Variants in ATP13A4 observed in about 807,000 individuals in gnomAD.
ATP13A4 encodes probable cation-transporting ATPase 13A4.
ATP13A4 carries 114 observed loss-of-function variants against 142.5 expected under a neutral mutation model. The ratio of observed to expected loss-of-function variants is 0.80; its 90% CI spans 0.69 to 0.93. ATP13A4 has a LOEUF of 0.93. ATP13A4 is among the 40% of genes least tolerant of loss of function. The pLI is 0.00. For missense variants in ATP13A4, 1,392 were observed against 1,454.0 expected (o/e 0.96, Z 0.69); for synonymous variants, 488 against 514.8 (o/e 0.95, Z 0.70).
intron 8 of ATP13A4, among the ~76,000 whole-genome samples, chr3:193,482,278 C>T (rs1182439083): frequency 6.6e-6 from 1 of 151,806 alleles, no homozygotes; most frequent in Non-Finnish European, 1.5e-5. Context: ...AAAACAAAAA[C>T]AAAATTCAAA....
At chr3:193,586,720 T>A (rs1230869307) in intron 1 of ATP13A4, among the ~76,000 whole-genome samples, 1 of 152,276 alleles carries the variant, frequency 6.6e-6, no homozygotes, top group Non-Finnish European at 1.5e-5. Context: ...CATTTATCTA[T>A]TTGGCCTTAT....
At chr3:193,574,220 C>T (rs913419856) in intron 2 of ATP13A4, among the ~76,000 whole-genome samples, 1 of 152,218 alleles carries the variant, frequency 6.6e-6, no homozygotes, top group African/African-American at 2.4e-5. Context: ...GATAAGATGT[C>T]TGCCTCCGGC....
At chr3:193,552,363 C>T (rs766813044) in intron 1 of ATP13A4, among the ~76,000 whole-genome samples, 1 of 152,126 alleles carries the variant, frequency 6.6e-6, no homozygotes, top group Non-Finnish European at 1.5e-5. Flanking sequence ...AGGTCTAAAC[C>T]CTAGCATGTT....
chr3:193,418,520 C>G (rs1168158523), intron 25 of ATP13A4, among the ~76,000 whole-genome samples: 1 of 149,462 alleles, frequency 6.7e-6, no homozygotes, highest in African/African-American at 2.5e-5. Context: ...ATACTGGTTT[C>G]TATTATAGTA....
chr3:193,442,255 A>G, intron 19 of ATP13A4, 138 bp downstream of exon 19: 1 of 884,168 alleles, frequency 1.1e-6, no homozygotes, highest in Non-Finnish European at 1.8e-6. Flanking sequence ...GTATGGAAAA[A>G]CCAATGTAAC....
chr3:193,505,548 A>G (rs1427017404), intron 2 of ATP13A4, among the ~76,000 whole-genome samples: 5 of 152,152 alleles, frequency 3.3e-5, no homozygotes, highest in Admixed American at 2.0e-4. Flanking sequence ...CAATACTCAT[A>G]ATTCTGTATG....
At chr3:193,513,493 G>T (rs982204935) in intron 2 of ATP13A4, among the ~76,000 whole-genome samples, 4 of 152,146 alleles carry the variant, frequency 2.6e-5, no homozygotes, top group Admixed American at 2.6e-4. Flanking sequence ...CTCTTTAATA[G>T]AAACATCCAC....
intron 7 of ATP13A4, among the ~76,000 whole-genome samples, chr3:193,488,432 C>G (rs1476584769): frequency 6.6e-6 from 1 of 152,120 alleles, no homozygotes; most frequent in Non-Finnish European, 1.5e-5. Flanking sequence ...GAAGTTTTCC[C>G]AGCGGGAGGG....
At position 193,435,689 on chromosome 3, in the gene ATP13A4, A is replaced by T; in HGVS notation, c.2728T>A (p.Tyr910Asn). 1.2e-6 allele frequency: 2 copies of T among 1,614,172 alleles called. No individual in the cohort carries two copies. The highest frequency in any genetic ancestry group is 1.7e-6 in the Non-Finnish European group (2 of 1,180,010). The change falls in exon 24 of 30, where the codon TAC (tyrosine) becomes AAC (asparagine). Residue 910 changes from tyrosine to asparagine, a missense_variant. Transcript: ENST00000342695. ...SFCMFKYMAL[Y>N]SMIQYVGVLL... Reference sequence around the variant, plus strand: ...ACACCAACATACTGAATCATGCTGTACAGAGCCATGTACTTAAACATGCAA... The same window carrying T: ...ACACCAACATACTGAATCATGCTGTTCAGAGCCATGTACTTAAACATGCAA...
intron 1 of ATP13A4, among the ~76,000 whole-genome samples, chr3:193,541,358 C>CTATCTGTGATTATCGATCACAGAT (rs1722912146): frequency 1.1e-5 from 1 of 87,702 alleles, no homozygotes; most frequent in African/African-American, 3.3e-5. Flanking sequence ...CACAGATTAT[C>CTATCTGTGATTATCGATCACAGAT]TATCTGTGAT....
At chr3:193,442,328 C>A in intron 19 of ATP13A4, 65 bp downstream of exon 19, 1 of 1,524,986 alleles carries the variant, frequency 6.6e-7, no homozygotes, top group Non-Finnish European at 9.1e-7. Context: ...TAGGTCAAAG[C>A]TGCTCAGTCA....
rs770481806 is a variant in ATP13A4 at position 193,402,331 on chromosome 3, T to C, written c.*321A>G. The stretch of plus-strand genomic sequence containing the variant: ...ACTCATTTTTATAAAAAGGAAAGTA[T>C]TGTCCTGTCCTAAGAGGAAAGATCA... On this transcript the variant is annotated 3_prime_UTR_variant, in exon 30 of 30. Transcript: ENST00000342695. 8 of 322,416 alleles carry C rather than the reference T, an allele frequency of 2.5e-5. No homozygotes were observed. The highest frequency in any genetic ancestry group is 4.7e-5 in the Non-Finnish European group (8 of 171,014). 20.0% of individuals were successfully genotyped at this position (322,416 alleles called of 1,614,324 possible).
At chr3:193,410,125 G>A (rs1012112996) in intron 28 of ATP13A4, among the ~76,000 whole-genome samples, 1 of 152,168 alleles carries the variant, frequency 6.6e-6, no homozygotes, top group Non-Finnish European at 1.5e-5. Context: ...GCTTGGATAT[G>A]TAAACTTTTG....
At chr3:193,425,563 T>C (rs1467694419) in intron 25 of ATP13A4, among the ~76,000 whole-genome samples, 4 of 151,708 alleles carry the variant, frequency 2.6e-5, no homozygotes, top group African/African-American at 9.7e-5. Context: ...TGCAACAACA[T>C]AGATGAAGCT....
At chr3:193,496,450 C>T (rs182067765) in intron 3 of ATP13A4, among the ~76,000 whole-genome samples, 24 of 152,214 alleles carry the variant, frequency 1.6e-4, no homozygotes, top group Admixed American at 1.2e-3. Context: ...TCAACAAAGG[C>T]GCCAAGAACA....
intron 1 of ATP13A4, among the ~76,000 whole-genome samples, chr3:193,535,572 T>C (rs929486879): frequency 2.0e-5 from 3 of 152,154 alleles, no homozygotes; most frequent in Non-Finnish European, 4.4e-5. Context: ...ACTAACTGCA[T>C]ATATTAGAAA....
intron 1 of ATP13A4, among the ~76,000 whole-genome samples, chr3:193,582,797 T>A (rs9855791): frequency 5.4e-5 from 2 of 37,106 alleles, no homozygotes; most frequent in East Asian, 7.3e-4. Context: ...TATATGTATA[T>A]TACATATATA....
chr3:193,584,015 C>T (rs1323029110), intron 1 of ATP13A4, among the ~76,000 whole-genome samples: 2 of 152,204 alleles, frequency 1.3e-5, no homozygotes, highest in Admixed American at 6.5e-5. Flanking sequence ...ACCCATCACA[C>T]TCACACACTC....
intron 26 of ATP13A4, 111 bp from the exon 27 acceptor site, chr3:193,412,482 T>A: frequency 1.1e-6 from 1 of 894,684 alleles, no homozygotes. Flanking sequence ...ACTCAATGCT[T>A]CTACAATTGC....
Sources: allele counts gnomAD v4.1 joint callset (sites outside exome capture counted in the v4.1 genomes callset), GRCh38; gene constraint gnomAD v4.1.1; transcripts MANE v1.5; gene names NCBI Gene and HGNC (gene_info 2026-07-23, HGNC 2026-07-21).